Variants in MYO5B observed in about 807,000 individuals in gnomAD.
MYO5B encodes the protein myosin VB.
MYO5B carries 143 observed loss-of-function variants against 229.3 expected under a neutral mutation model. The ratio of observed to expected loss-of-function variants is 0.62; its 90% confidence interval spans 0.54 to 0.72. MYO5B has a LOEUF of 0.72. Among genes scored for constraint, MYO5B ranks in the 30% least tolerant of loss-of-function variants. The pLI is 0.00. For missense variants in MYO5B, 2,321 were observed against 2,331.0 expected (o/e 1.00, Z 0.09); for synonymous variants, 918 against 885.2 (o/e 1.04, Z -0.66).
Position 50,191,391 on chromosome 18 carries a change from C to T in MYO5B, c.27+3376G>A, listed in dbSNP as rs970621233. On this transcript the variant is annotated intron_variant, in intron 1 of 39. Coordinates refer to ENST00000285039, the MANE Select transcript of MYO5B (RefSeq NM_001080467.3). ...TGGGATTAATTATGCCAACCCCTCA[C>T]ACCAATGAAGCTACTTTTTAAGTGT... Among the ~76,000 whole-genome samples, 6 of 152,184 alleles carry T rather than the reference C, an allele frequency of 3.9e-5. No homozygotes were observed. The East Asian group carries it at 9.6e-4, about 24-fold the overall frequency.
chr18:49,869,294 A>G (rs763065757), intron 27 of MYO5B, among the ~76,000 whole-genome samples: 9 of 152,198 alleles, frequency 5.9e-5, no homozygotes, highest in Non-Finnish European at 1.0e-4. Context: ...GTAAGTGGTA[A>G]TAAAGTCCCC....
At chr18:49,953,443 T>A in intron 13 of MYO5B, 100 bp from the exon 14 acceptor site, 1 of 1,028,022 alleles carries the variant, frequency 9.7e-7, no homozygotes, top group Non-Finnish European at 1.5e-6. Flanking sequence ...AAAAGAGCTG[T>A]GAGTAGATAG....
chr18:49,988,748 G>A (rs995113551), intron 7 of MYO5B, among the ~76,000 whole-genome samples: 2 of 152,224 alleles, frequency 1.3e-5, no homozygotes, highest in Non-Finnish European at 2.9e-5. Flanking sequence ...GGCCCCTAAT[G>A]TGGAGGCATA....
intron 21 of MYO5B, among the ~76,000 whole-genome samples, chr18:49,895,865 T>G (rs1406865367): frequency 2.0e-5 from 3 of 152,210 alleles, no homozygotes; most frequent in Non-Finnish European, 4.4e-5. Flanking sequence ...AAGAAGCTAT[T>G]GCTGGTATCA....
chr18:49,876,250 T>C, intron 25 of MYO5B: 1 of 294,890 alleles, frequency 3.4e-6, no homozygotes, highest in Non-Finnish European at 6.5e-6. Context: ...CACTGCAATG[T>C]GCTGTCAGCC....
intron 12 of MYO5B, among the ~76,000 whole-genome samples, chr18:49,954,656 G>C (rs1265564939): frequency 6.6e-6 from 1 of 152,202 alleles, no homozygotes; most frequent in Non-Finnish European, 1.5e-5. Flanking sequence ...CTTGGGACCT[G>C]TGGGAGCAGC....
intron 1 of MYO5B, among the ~76,000 whole-genome samples, chr18:50,111,887 G>A (rs1017579404): frequency 6.6e-6 from 1 of 152,124 alleles, no homozygotes; most frequent in Non-Finnish European, 1.5e-5. Flanking sequence ...GAGTCACCTG[G>A]AGACTTCAAT....
intron 4 of MYO5B, among the ~76,000 whole-genome samples, chr18:50,004,104 A>G (rs1339948579): frequency 1.3e-5 from 2 of 152,204 alleles, no homozygotes; most frequent in Non-Finnish European, 2.9e-5. Flanking sequence ...GAGTGACTGG[A>G]AAGTCATGCC....
At chr18:49,949,325 AAACT>A (rs767046251) in intron 14 of MYO5B, among the ~76,000 whole-genome samples, 35,302 of 148,764 alleles carry the variant, frequency 0.24, 5,860 homozygotes, top group African/African-American at 0.48. Flanking sequence ...AAAAACTGGA[AAACT>A]GGAAAAAAAA....
chr18:50,137,344 T>G (rs1325549513), intron 1 of MYO5B, among the ~76,000 whole-genome samples: 2 of 152,140 alleles, frequency 1.3e-5, no homozygotes, highest in African/African-American at 2.4e-5. Flanking sequence ...AACCCAAAGA[T>G]GACTAAGACA....
chr18:49,862,427 T>C lies in MYO5B; in HGVS notation c.3944+800A>G, dbSNP rs114148156. Among the ~76,000 whole-genome samples the C allele has an allele frequency of 1.9e-3, 291 of 152,280 alleles. 2 individuals are homozygous for C. The highest frequency in any genetic ancestry group is 6.8e-3 in the African/African-American group (283 of 41,560). ...TGTCCTAAGTCCCTTACACAGGTGA[T>C]AGGAGCTCACCCCATCTTCCCAAAG... On this transcript the variant is annotated intron_variant, in intron 29 of 39. Transcript: ENST00000285039.
intron 1 of MYO5B, among the ~76,000 whole-genome samples, chr18:50,164,394 T>C (rs952943991): frequency 1.3e-5 from 2 of 152,124 alleles, no homozygotes; most frequent in African/African-American, 4.8e-5. Context: ...CAGTTATCCA[T>C]GAGATAGAGT....
At chr18:49,950,301 G>A (rs908261980) in intron 14 of MYO5B, among the ~76,000 whole-genome samples, 1 of 152,146 alleles carries the variant, frequency 6.6e-6, no homozygotes, top group African/African-American at 2.4e-5. Flanking sequence ...TAGCATTGTG[G>A]TTAGTGGGCA....
chr18:49,836,863 C>A lies in MYO5B; in HGVS notation c.5161G>T (p.Glu1721Ter). 6 of 1,614,072 alleles carry A rather than the reference C, an allele frequency of 3.7e-6. No homozygotes were observed. Among genetic ancestry groups the A allele is most frequent in the Non-Finnish European group, 5.1e-6 (6 of 1,179,962 alleles). Reference protein sequence around the residue: ...QLRYNISQLEEWLRGRNLHQS... With the variant: ...QLRYNISQLE ...TGAAGGTTTCTTCCCCGAAGCCACT[C>A]CTCAAGCTGACTTATATTGTACCTT... The change falls in exon 38 of 40, where the codon GAG (glutamate) becomes TAG (stop). Residue 1721 changes from glutamate to a stop codon, truncating the protein, a stop_gained. Transcript: ENST00000285039. LOFTEE classifies it high-confidence loss of function.
intron 1 of MYO5B, among the ~76,000 whole-genome samples, chr18:50,184,481 A>T (rs1170898086): frequency 6.6e-6 from 1 of 152,162 alleles, no homozygotes; most frequent in African/African-American, 2.4e-5. Flanking sequence ...AAGGCAGTAG[A>T]ACACAGTGGT....
At position 50,052,203 on chromosome 18, in the gene MYO5B, G is replaced by A. The variant is rs565842783; in HGVS notation, c.138+3065C>T. 9.2e-5 allele frequency among the ~76,000 whole-genome samples: 14 copies of A among 152,196 alleles called. No individual in the cohort carries two copies. In the South Asian group the frequency reaches 1.9e-3, roughly 20 times the overall value. On this transcript the variant is annotated intron_variant, in intron 2 of 39. Coordinates refer to ENST00000285039, the MANE Select transcript of MYO5B (RefSeq NM_001080467.3). ...CTTTTGACCCAGCCATCCCATTACT[G>A]GGTATATACCAAAAGGACTATAAAT...
chr18:50,047,945 G>C (rs935724726), intron 2 of MYO5B, among the ~76,000 whole-genome samples: 6 of 130,012 alleles, frequency 4.6e-5, no homozygotes, highest in Admixed American at 4.0e-4. Context: ...GTTGTGGGGT[G>C]GGGGGAGGGG....
chr18:49,949,923 C>T lies in MYO5B; in HGVS notation c.1752+3337G>A, dbSNP rs565019145. On this transcript the variant is annotated intron_variant, in intron 14 of 39. Transcript: ENST00000285039. ...GACTCATCACTCAGTAAATGATGAGCTTTAAAGATACTAAAATGACAGATG... is the reference window on the plus strand; with the variant it reads ...GACTCATCACTCAGTAAATGATGAGTTTTAAAGATACTAAAATGACAGATG... Among the ~76,000 whole-genome samples, 311 of 152,250 alleles carry T rather than the reference C, an allele frequency of 2.0e-3. 1 individual carries two copies. The highest frequency in any genetic ancestry group is 4.0e-3 in the Non-Finnish European group (270 of 68,010).
intron 16 of MYO5B, among the ~76,000 whole-genome samples, chr18:49,931,660 C>T (rs1277054998): frequency 6.6e-6 from 1 of 152,160 alleles, no homozygotes; most frequent in East Asian, 1.9e-4. Flanking sequence ...GTTCCAGGAT[C>T]CAAGGGGGTC....
Sources: gnomAD v4.1 joint callset for allele counts (sites outside exome capture counted in the v4.1 genomes callset) on GRCh38, gnomAD v4.1.1 for gene constraint, MANE v1.5 for transcripts, NCBI Gene and HGNC (gene_info 2026-07-23, HGNC 2026-07-21) for gene names.